The following LRRC7 variants were observed in gnomAD, a reference collection of about 807,000 sequenced individuals.
LRRC7 encodes the protein leucine-rich repeat-containing protein 7.
Under a neutral mutation model 175.7 loss-of-function variants are expected in LRRC7, and 23 were observed. The observed-to-expected ratio is 0.13, with a 90% CI of 0.09 to 0.19. LRRC7 has a LOEUF of 0.19. Among genes scored for constraint, LRRC7 ranks in the 10% least tolerant of loss-of-function variants. The pLI is 1.00. For missense variants in LRRC7, 1,354 were observed against 1,904.7 expected (o/e 0.71, Z 5.38); for synonymous variants, 685 against 680.9 (o/e 1.01, Z -0.09).
At chr1:70,115,628 C>G (rs1031713616) in intron 26 of LRRC7, among the ~76,000 whole-genome samples, 2 of 152,088 alleles carry the variant, frequency 1.3e-5, no homozygotes, top group African/African-American at 2.4e-5. Context: ...AGTATTGTGC[C>G]AAGCAATGTA....
At chr1:70,002,551 G>T (rs1655632003) in intron 11 of LRRC7, among the ~76,000 whole-genome samples, 1 of 152,110 alleles carries the variant, frequency 6.6e-6, no homozygotes, top group Non-Finnish European at 1.5e-5. Flanking sequence ...CTCCTTGAGG[G>T]CTGGATCATG....
At chr1:69,931,879 G>A (rs1362844321) in intron 8 of LRRC7, among the ~76,000 whole-genome samples, 2 of 152,102 alleles carry the variant, frequency 1.3e-5, no homozygotes, top group Non-Finnish European at 2.9e-5. Context: ...ACTTAAAATG[G>A]TCACTGTCAT....
intron 2 of LRRC7, among the ~76,000 whole-genome samples, chr1:69,731,259 G>A (rs113854373): frequency 0.022 from 3,303 of 152,034 alleles, 119 homozygotes; most frequent in African/African-American, 0.076. Flanking sequence ...CCAAGATCAC[G>A]CCACTGCACT....
intron 7 of LRRC7, among the ~76,000 whole-genome samples, chr1:69,897,412 A>AT (rs1167660791): frequency 6.6e-6 from 1 of 151,658 alleles, no homozygotes; most frequent in Non-Finnish European, 1.5e-5. Context: ...ACCCTGCTTT[A>AT]TTTTTTTCAC....
At chr1:69,597,595 A>G (rs1421433709) in intron 1 of LRRC7, among the ~76,000 whole-genome samples, 1 of 152,190 alleles carries the variant, frequency 6.6e-6, no homozygotes, top group African/African-American at 2.4e-5. Flanking sequence ...GGCATCAAGC[A>G]TAATGTCCGT....
intron 7 of LRRC7, among the ~76,000 whole-genome samples, chr1:69,925,342 T>C (rs1647032097): frequency 6.6e-6 from 1 of 152,192 alleles, no homozygotes; most frequent in Non-Finnish European, 1.5e-5. Flanking sequence ...ATTCCTTCTT[T>C]TTCTATTGAT....
rs143932523 is a variant in LRRC7, at chr1:69,618,594, T to C, written c.2+49953T>C. On this transcript the variant is annotated intron_variant, in intron 1 of 26. Transcript: ENST00000651989. ...TCCTTTATTGCAAGAAGCCTACAAGTAGTTGGTTTTCACATTCCTTCAAGG... is the reference window on the plus strand; with the variant it reads ...TCCTTTATTGCAAGAAGCCTACAAGCAGTTGGTTTTCACATTCCTTCAAGG... Among the ~76,000 whole-genome samples the C allele has an allele frequency of 3.9e-5, 6 of 152,286 alleles. No homozygotes were observed. In the East Asian group the frequency reaches 1.2e-3, roughly 29 times the overall value.
chr1:69,712,028 A>G (rs1379740435), intron 2 of LRRC7, among the ~76,000 whole-genome samples: 5 of 152,156 alleles, frequency 3.3e-5, no homozygotes, highest in African/African-American at 1.2e-4. Context: ...TGTATTTCAA[A>G]AATTTTGACT....
Position 70,028,194 on chromosome 1 carries a change from T to C in LRRC7, c.1818T>C (p.Tyr606=), listed in dbSNP as rs751076370. 1.2e-6 allele frequency: 2 copies of C among 1,613,618 alleles called. No individual in the cohort carries two copies. Among genetic ancestry groups the C allele is most frequent in the Non-Finnish European group, 1.7e-6 (2 of 1,179,648 alleles). ...AGGTTGAAATAAACCTAAAACGATA[T>C]CCAACTCCTTACCCAGAGGATTTAA... ...GRQVEINLKR[Y]PTPYPEDLKN... The change falls in exon 18 of 27, where the codon TAT becomes TAC. Residue 606 remains tyrosine (Y), a synonymous_variant. Transcript: ENST00000651989.
At chr1:69,627,864 A>G (rs1651850427) in intron 1 of LRRC7, among the ~76,000 whole-genome samples, 1 of 151,808 alleles carries the variant, frequency 6.6e-6, no homozygotes, top group African/African-American at 2.4e-5. Flanking sequence ...ATATAATGTA[A>G]GATAAAGATC....
intron 2 of LRRC7, among the ~76,000 whole-genome samples, chr1:69,697,214 A>G (rs561310636): frequency 6.6e-6 from 1 of 152,246 alleles, no homozygotes; most frequent in East Asian, 1.9e-4. Flanking sequence ...TTCCGTTCTA[A>G]TAAGAAAACT....
At chr1:69,765,076 T>G (rs1671480483) in intron 3 of LRRC7, among the ~76,000 whole-genome samples, 1 of 152,064 alleles carries the variant, frequency 6.6e-6, no homozygotes, top group South Asian at 2.1e-4. Context: ...CCTACACACT[T>G]ACATCAACAC....
chr1:69,680,783 C>G (rs760357474), intron 2 of LRRC7, among the ~76,000 whole-genome samples: 6 of 151,034 alleles, frequency 4.0e-5, no homozygotes, highest in Non-Finnish European at 2.9e-5. Flanking sequence ...AGATGCAGGA[C>G]CAGGAATAGT....
At chr1:69,717,857 A>AGAAAGAAAAAAGAAAGAAAG (rs1665704269) in intron 2 of LRRC7, among the ~76,000 whole-genome samples, 1 of 100,168 alleles carries the variant, frequency 1.0e-5, no homozygotes, top group East Asian at 4.0e-4. Context: ...AAGAAAGGAA[A>AGAAAGAAAAAAGAAAGAAAG]GAAAGAAAGA....
At chr1:70,036,776 T>A in intron 20 of LRRC7, 152 bp downstream of exon 20, 1 of 763,906 alleles carries the variant, frequency 1.3e-6, no homozygotes, top group East Asian at 2.7e-5. Flanking sequence ...CGCCTGGGAC[T>A]GCCAGGAACA....
intron 24 of LRRC7, among the ~76,000 whole-genome samples, chr1:70,083,788 C>T (rs1310490225): frequency 6.6e-6 from 1 of 152,140 alleles, no homozygotes; most frequent in Non-Finnish European, 1.5e-5. Flanking sequence ...GATTCCCCTT[C>T]CTCACAGTCT....
intron 4 of LRRC7, among the ~76,000 whole-genome samples, chr1:69,800,973 CTCTA>C (rs1360806513): frequency 4.0e-5 from 6 of 151,766 alleles, no homozygotes; most frequent in Non-Finnish European, 7.4e-5. Flanking sequence ...AATGCTTTTT[CTCTA>C]TCTATTGAGA....
intron 23 of LRRC7, among the ~76,000 whole-genome samples, chr1:70,066,614 G>A (rs115476386): frequency 0.01 from 1,530 of 151,922 alleles, 14 homozygotes; most frequent in Non-Finnish European, 0.015. Flanking sequence ...ATCACAGTTC[G>A]TTTATCATTT....
intron 3 of LRRC7, among the ~76,000 whole-genome samples, chr1:69,780,263 G>C (rs1274348873): frequency 6.6e-6 from 1 of 152,192 alleles, no homozygotes; most frequent in Non-Finnish European, 1.5e-5. Context: ...AAGGAAAAAA[G>C]TCTAGGGATA....
Sources: gnomAD v4.1 joint callset for allele counts (sites outside exome capture counted in the v4.1 genomes callset) on GRCh38, gnomAD v4.1.1 for gene constraint, MANE v1.5 for transcripts, NCBI Gene and HGNC (gene_info 2026-07-23, HGNC 2026-07-21) for gene names.